Variants in PDE3B observed in about 807,000 individuals in gnomAD.
The protein encoded by PDE3B is phosphodiesterase 3B, also known as cGMP-inhibited 3',5'-cyclic phosphodiesterase 3B.
A neutral mutation model predicts 116.8 loss-of-function variants in PDE3B; 66 were observed. The ratio of observed to expected loss-of-function variants is 0.56; its 90% confidence interval spans 0.46 to 0.69. The LOEUF is 0.69. PDE3B is among the 30% of genes least tolerant of loss of function. The pLI is 0.00. For synonymous variants in PDE3B, 595 were observed against 533.6 expected (o/e 1.12, Z -1.59); for missense variants, 1,384 against 1,368.1 (o/e 1.01, Z -0.18).
intron 1 of PDE3B, among the ~76,000 whole-genome samples, chr11:14,713,163 C>T (rs1855759056): frequency 6.6e-6 from 1 of 152,170 alleles, no homozygotes; most frequent in Non-Finnish European, 1.5e-5. Context: ...GTATCTGTTA[C>T]TCAAAGCATT....
At chr11:14,709,550 T>G (rs967442022) in intron 1 of PDE3B, among the ~76,000 whole-genome samples, 1 of 152,192 alleles carries the variant, frequency 6.6e-6, no homozygotes, top group Non-Finnish European at 1.5e-5. Context: ...GAAACTATTT[T>G]AAATTATCTT....
At chr11:14,732,841 T>G (rs1410182360) in intron 1 of PDE3B, among the ~76,000 whole-genome samples, 2 of 152,214 alleles carry the variant, frequency 1.3e-5, no homozygotes, top group African/African-American at 2.4e-5. Flanking sequence ...CAAACCTGTG[T>G]TGTTCAAGAG....
At position 14,759,040 on chromosome 11, in the gene PDE3B, C is replaced by G. The variant is rs550982834; in HGVS notation, c.979-12897C>G. Among the ~76,000 whole-genome samples the G allele has an allele frequency of 5.3e-5, 8 of 152,020 alleles. No individual in the cohort carries two copies. The East Asian group carries it at 1.2e-3, about 22-fold the overall frequency. ...ATTGAGATAGTCATGTGGTTTTTGT[C>G]TTTGGCTCTGTTTATATGCTGGATT... On this transcript the variant is annotated intron_variant, in intron 1 of 15. Transcript: ENST00000282096.
chr11:14,740,611 CTCTGA>C (rs1198821392), intron 1 of PDE3B, among the ~76,000 whole-genome samples: 1 of 152,170 alleles, frequency 6.6e-6, no homozygotes, highest in Non-Finnish European at 1.5e-5. Context: ...TTCAGTTCTG[CTCTGA>C]TCTTAGTTAT....
In PDE3B at chr11:14,831,683, A is replaced by G; in HGVS notation, c.2000A>G (p.Tyr667Cys). Residue 667 changes from tyrosine to cysteine, a missense_variant, in exon 9 of 16, where the codon TAT becomes TGT. By Grantham distance (194) the Tyr-to-Cys change is radical. Coordinates refer to ENST00000282096, the MANE Select transcript of PDE3B (RefSeq NM_000922.4). ...VSLDLILVEE[Y>C]DSLIEKMSNW... The stretch of plus-strand genomic sequence containing the variant: ...CTGGACCTGATTTTAGTAGAAGAGT[A>G]TGACTCATTAATAGAAAAGATGAGC... 1 of 1,597,788 alleles carries G rather than the reference A, an allele frequency of 6.3e-7. No homozygotes were observed. The highest frequency in any genetic ancestry group is 8.6e-7 in the Non-Finnish European group (1 of 1,167,962).
At chr11:14,881,257 T>A in the PDE3B span, among the ~76,000 whole-genome samples, 3 of 152,092 alleles carry the variant, frequency 2.0e-5, no homozygotes, top group Non-Finnish European at 4.4e-5. Flanking sequence ...CAAGTAACTA[T>A]GACAGGGGTA....
intron 1 of PDE3B, among the ~76,000 whole-genome samples, chr11:14,768,403 C>T (rs1857553727): frequency 6.6e-6 from 1 of 151,354 alleles, no homozygotes; most frequent in Non-Finnish European, 1.5e-5. Flanking sequence ...TTACAGTTTA[C>T]CATAAGTATT....
intron 1 of PDE3B, among the ~76,000 whole-genome samples, chr11:14,744,372 C>A (rs1034572589): frequency 6.6e-6 from 1 of 152,022 alleles, no homozygotes; most frequent in African/African-American, 2.4e-5. Flanking sequence ...TTTTAGTTTG[C>A]TTTGGGTGAT....
chr11:14,766,298 T>C (rs1299338841), intron 1 of PDE3B, among the ~76,000 whole-genome samples: 1 of 151,538 alleles, frequency 6.6e-6, no homozygotes, highest in African/African-American at 2.4e-5. Context: ...AATTATAATT[T>C]ATGAGGACAG....
intron 14 of PDE3B, among the ~76,000 whole-genome samples, chr11:14,861,630 G>A (rs1266548018): frequency 6.6e-6 from 1 of 152,162 alleles, no homozygotes; most frequent in Non-Finnish European, 1.5e-5. Flanking sequence ...GTTAGCAGCC[G>A]CAAATCCGAG....
intron 1 of PDE3B, among the ~76,000 whole-genome samples, chr11:14,747,144 A>G (rs940531204): frequency 2.0e-5 from 3 of 152,138 alleles, no homozygotes; most frequent in African/African-American, 7.2e-5. Flanking sequence ...AAACAACATA[A>G]TCTTTTAAAC....
the PDE3B span, chr11:14,892,190 T>C: frequency 6.2e-7 from 1 of 1,610,090 alleles, no homozygotes; most frequent in Non-Finnish European, 8.5e-7. Context: ...TCTTCAGCTC[T>C]CCAAAGCTTC....
chr11:14,871,378 C>T lies in PDE3B; in HGVS notation c.*1718C>T, dbSNP rs1237106270. 6.6e-6 allele frequency: 1 copy of T among 152,116 alleles called. No homozygotes were observed. The highest frequency in any genetic ancestry group is 2.4e-5 in the African/African-American group (1 of 41,434). 9.4% of individuals were successfully genotyped at this position (152,116 alleles called of 1,614,324 possible). A position where few individuals can be genotyped will look rare whatever the true frequency, so the allele number is the denominator to read the frequency against. ...TTTTGACTGATAATTTATATTTGCA[C>T]TTACAATATATATATCCTGTCCTTA... On this transcript the variant is annotated 3_prime_UTR_variant, in exon 16 of 16. Transcript: ENST00000282096.
rs571141153 is a variant in PDE3B at position 14,653,940 on chromosome 11, G to A, written c.978+8887G>A. Among the ~76,000 whole-genome samples, 16 of 152,264 alleles carry A rather than the reference G, an allele frequency of 1.1e-4. No homozygotes were observed. In the East Asian group the frequency reaches 2.9e-3, roughly 28 times the overall value. ...CTGAGCTGGGGAGGTCGAGGCTGCA[G>A]TGAGCTCTGATTGTACCACTGCACT... On this transcript the variant is annotated intron_variant, in intron 1 of 15. Transcript: ENST00000282096.
At chr11:14,747,644 C>T (rs1856948159) in intron 1 of PDE3B, among the ~76,000 whole-genome samples, 1 of 151,850 alleles carries the variant, frequency 6.6e-6, no homozygotes, top group African/African-American at 2.4e-5. Context: ...GTGCATAATC[C>T]CTAAAAAATC....
chr11:14,858,054 C>G (rs1555006444), intron 12 of PDE3B, among the ~76,000 whole-genome samples: 2 of 152,158 alleles, frequency 1.3e-5, no homozygotes, highest in African/African-American at 4.8e-5. Flanking sequence ...AACCAAATAG[C>G]TTAAAAAATA....
chr11:14,796,668 T>A (rs1443285692), intron 4 of PDE3B, among the ~76,000 whole-genome samples: 1 of 152,226 alleles, frequency 6.6e-6, no homozygotes, highest in Non-Finnish European at 1.5e-5. Context: ...AATGTCTTCT[T>A]TTGAGAAGTG....
chr11:14,659,536 G>A (rs906022772), intron 1 of PDE3B, among the ~76,000 whole-genome samples: 1 of 152,134 alleles, frequency 6.6e-6, no homozygotes, highest in African/African-American at 2.4e-5. Context: ...AAGTTCAGGG[G>A]TACATGTGCA....
At chr11:14,743,322 C>T (rs1311950546) in intron 1 of PDE3B, among the ~76,000 whole-genome samples, 1 of 152,168 alleles carries the variant, frequency 6.6e-6, no homozygotes, top group African/African-American at 2.4e-5. Flanking sequence ...AAGTGGGCTC[C>T]ACCCAGTTTG....
Sources: gnomAD v4.1 joint callset for allele counts (sites outside exome capture counted in the v4.1 genomes callset) on GRCh38, gnomAD v4.1.1 for gene constraint, MANE v1.5 for transcripts, NCBI Gene and HGNC (gene_info 2026-07-23, HGNC 2026-07-21) for gene names.